The following TSNARE1 variants were observed in gnomAD, a reference collection of about 807,000 sequenced individuals.
TSNARE1 encodes t-SNARE domain-containing protein 1.
TSNARE1 carries 49 observed loss-of-function variants against 62.0 expected under a neutral mutation model. The observed-to-expected ratio is 0.79, with a 90% CI of 0.63 to 1.00. TSNARE1 has a LOEUF of 1.00. Ranked by LOEUF, TSNARE1 falls within the 50% of genes least tolerant of loss-of-function variation. The pLI, the probability that TSNARE1 is intolerant of heterozygous loss-of-function variation, is 0.00. For missense variants in TSNARE1, 755 were observed against 700.1 expected, an observed-to-expected ratio of 1.08 and a Z score of -0.88; for synonymous variants, 328 against 294.4, an observed-to-expected ratio of 1.11 and a Z score of -1.17.
chr8:142,334,977 C>G (rs1454450448), intron 4 of TSNARE1, among the ~76,000 whole-genome samples: 1 of 152,198 alleles, frequency 6.6e-6, no homozygotes, highest in African/African-American at 2.4e-5. Context: ...AAACCTGGAT[C>G]TCCCTGAAGA....
chr8:142,286,558 T>C (rs1586560239), intron 10 of TSNARE1, among the ~76,000 whole-genome samples: 2 of 152,276 alleles, frequency 1.3e-5, no homozygotes, highest in Non-Finnish European at 1.5e-5. Context: ...ATCTGTGGCA[T>C]GGCTATGGGG....
chr8:142,323,738 C>A (rs1414223577), intron 6 of TSNARE1, among the ~76,000 whole-genome samples: 1 of 152,200 alleles, frequency 6.6e-6, no homozygotes, highest in Non-Finnish European at 1.5e-5. Context: ...AGAAAATGGA[C>A]TGATGATGTC....
chr8:142,271,821 CCG>C, intron 12 of TSNARE1: 1 of 561,496 alleles, frequency 1.8e-6, no homozygotes, highest in Non-Finnish European at 2.7e-6. Context: ...TCACGATGCT[CCG>C]TCTGCAGTGG....
intron 1 of TSNARE1, among the ~76,000 whole-genome samples, chr8:142,398,493 C>T (rs1157762352): frequency 2.0e-5 from 3 of 152,020 alleles, no homozygotes; most frequent in Non-Finnish European, 4.4e-5. Context: ...ACTCCACCGC[C>T]TCAACCTTGC....
chr8:142,315,594 A>AGAGCTG (rs149306925), intron 7 of TSNARE1, among the ~76,000 whole-genome samples: 8,556 of 152,162 alleles, frequency 0.056, 657 homozygotes, highest in African/African-American at 0.18. Flanking sequence ...CACCTGCTTC[A>AGAGCTG]GAGCTGGAGC....
intron 1 of TSNARE1, among the ~76,000 whole-genome samples, chr8:142,375,916 G>A (rs1324057807): frequency 6.6e-6 from 1 of 152,190 alleles, no homozygotes; most frequent in Non-Finnish European, 1.5e-5. Context: ...AAGGAGAGAG[G>A]AAGAGGGTGG....
At chr8:142,240,455 G>A (rs1817627402) in intron 12 of TSNARE1, among the ~76,000 whole-genome samples, 1 of 151,554 alleles carries the variant, frequency 6.6e-6, no homozygotes, top group South Asian at 2.1e-4. Flanking sequence ...ACCAAAAAGA[G>A]GTAAAAATAC....
intron 7 of TSNARE1, among the ~76,000 whole-genome samples, chr8:142,318,031 G>A (rs1828854424): frequency 6.6e-6 from 1 of 152,238 alleles, no homozygotes; most frequent in Non-Finnish European, 1.5e-5. Context: ...CGGAACGGTA[G>A]TGATGGCTGT....
At position 142,223,287 on chromosome 8, in the gene TSNARE1, T is replaced by TCC. The variant is rs1218659940; in HGVS notation, c.*11+6185_*11+6186insGG. ...ACTCACTCATTCAGTCACTCACTCA[T>TCC]ACTCACTCAACCACTCACTCATTCA... On this transcript the variant is annotated intron_variant, in intron 13 of 13. Transcript: ENST00000524325. Among the ~76,000 whole-genome samples, 7 of 5,318 alleles carry TCC rather than the reference T, an allele frequency of 1.3e-3. No homozygotes were observed. The East Asian group carries it at 0.021, about 16-fold the overall frequency. The allele number at this position is 5,318 out of a possible 152,430, so 3.5% of individuals were successfully genotyped here. A position where few individuals can be genotyped will look rare whatever the true frequency, so the allele number is the denominator to read the frequency against.
chr8:142,268,388 G>A (rs1452581222), intron 12 of TSNARE1, among the ~76,000 whole-genome samples: 1 of 152,188 alleles, frequency 6.6e-6, no homozygotes, highest in African/African-American at 2.4e-5. Flanking sequence ...CTCCTAGCTT[G>A]GCCCTTGGTC....
Position 142,297,587 on chromosome 8 carries a change from G to GGGCTA in TSNARE1, c.1290+2894_1290+2898dup, listed in dbSNP as rs1183610116. Among the ~76,000 whole-genome samples, 10 of 152,308 alleles carry GGGCTA rather than the reference G, an allele frequency of 6.6e-5. No individual in the cohort carries two copies. The East Asian group carries it at 1.7e-3, about 27-fold the overall frequency. ...ATGAGGGTGCCGGCTCCACAGGAAA[G>GGGCTA]GGCTACAGCCAGCCGAGGTGCGTAA... On this transcript the variant is annotated intron_variant, in intron 10 of 13. Transcript: ENST00000524325.
rs555809324 is a variant in TSNARE1, at chr8:142,362,369, C to A, written c.-39-7606G>T. ...GACAGCAGTAGGTCACCTCCCTGCC[C>A]TGGACATTATCGGCCTCTTTAGACT... On this transcript the variant is annotated intron_variant, in intron 1 of 13. Transcript: ENST00000524325. Among the ~76,000 whole-genome samples, 29 of 152,338 alleles carry A rather than the reference C, an allele frequency of 1.9e-4. 2 individuals carry two copies. In the South Asian group the frequency reaches 6.0e-3, roughly 32 times the overall value.
At chr8:142,372,934 A>C (rs1224393912) in intron 1 of TSNARE1, among the ~76,000 whole-genome samples, 3 of 149,214 alleles carry the variant, frequency 2.0e-5, no homozygotes, top group African/African-American at 7.5e-5. Flanking sequence ...GCAGACTCCC[A>C]CAGGCCTCCT....
chr8:142,277,246 A>T (rs1244924382), intron 11 of TSNARE1: 10 of 985,236 alleles, frequency 1.0e-5, no homozygotes, highest in Non-Finnish European at 1.2e-5. Flanking sequence ...AGTCCAAGGG[A>T]TACCCAAGCA....
intron 9 of TSNARE1, among the ~76,000 whole-genome samples, chr8:142,301,787 C>CT (rs34997513): frequency 0.24 from 36,336 of 152,060 alleles, 4,888 homozygotes; most frequent in African/African-American, 0.36. Context: ...GCCGTGCCCC[C>CT]GATCTTCCTG....
chr8:142,352,475 C>A (rs1834223649), intron 2 of TSNARE1, among the ~76,000 whole-genome samples: 2 of 152,282 alleles, frequency 1.3e-5, no homozygotes, highest in South Asian at 4.1e-4. Flanking sequence ...GCCCCGTGTA[C>A]CTGCAGAGGC....
At chr8:142,277,606 C>A in intron 11 of TSNARE1, 1 of 985,442 alleles carries the variant, frequency 1.0e-6, no homozygotes, top group Non-Finnish European at 1.2e-6. Context: ...AAGAGGAAGT[C>A]TGGCCCTGTC....
intron 13 of TSNARE1, among the ~76,000 whole-genome samples, chr8:142,219,419 G>A (rs1019550384): frequency 6.6e-6 from 1 of 152,178 alleles, no homozygotes; most frequent in African/African-American, 2.4e-5. Context: ...TCGGGTCCCG[G>A]TATCTGCAGC....
intron 12 of TSNARE1, among the ~76,000 whole-genome samples, chr8:142,238,010 A>C (rs926381196): frequency 1.3e-4 from 19 of 151,650 alleles, no homozygotes; most frequent in African/African-American, 4.4e-4. Context: ...GTCTCCATGC[A>C]TCTGACTTAG....
Sources: gnomAD v4.1 joint callset for allele counts (sites outside exome capture counted in the v4.1 genomes callset) on GRCh38, gnomAD v4.1.1 for gene constraint, MANE v1.5 for transcripts, NCBI Gene and HGNC (gene_info 2026-07-23, HGNC 2026-07-21) for gene names.